TRIM37: variants seen among roughly 807,000 people sequenced by gnomAD.
TRIM37 encodes tripartite motif containing 37, also known as E3 ubiquitin-protein ligase TRIM37.
A neutral mutation model predicts 129.8 loss-of-function variants in TRIM37; 80 were observed. That is an observed-to-expected ratio of 0.62 (90% CI 0.51 to 0.74). TRIM37 has a LOEUF of 0.74. Ranked by LOEUF, TRIM37 falls within the 30% of genes least tolerant of loss-of-function variation. The pLI is 0.00. For synonymous variants in TRIM37, 389 were observed against 387.1 expected (o/e 1.00, Z -0.06); for missense variants, 1,054 against 1,176.5 (o/e 0.90, Z 1.52).
chr17:59,102,897 G>C (rs1014965080), intron 2 of TRIM37, among the ~76,000 whole-genome samples: 1 of 150,964 alleles, frequency 6.6e-6, no homozygotes, highest in Non-Finnish European at 1.5e-5. Flanking sequence ...TTTTTGAGAC[G>C]AAGTCTCGCT....
At chr17:59,014,541 C>T (rs1247516469) in intron 21 of TRIM37, among the ~76,000 whole-genome samples, 7 of 151,830 alleles carry the variant, frequency 4.6e-5, no homozygotes. Flanking sequence ...TGGGAAATTC[C>T]AACTATAAGT....
At chr17:59,096,953 A>T (rs1036243356) in intron 2 of TRIM37, among the ~76,000 whole-genome samples, 1 of 152,210 alleles carries the variant, frequency 6.6e-6, no homozygotes, top group Non-Finnish European at 1.5e-5. Context: ...ATTTATTCCT[A>T]GAATAGAAAG....
intron 19 of TRIM37, among the ~76,000 whole-genome samples, chr17:59,021,559 T>C (rs908318448): frequency 3.3e-5 from 5 of 152,150 alleles, no homozygotes; most frequent in African/African-American, 4.8e-5. Flanking sequence ...TTCTCACTTA[T>C]TTGTGGGGGC....
chr17:59,090,638 T>C (rs1186456745), intron 3 of TRIM37, among the ~76,000 whole-genome samples: 1 of 152,164 alleles, frequency 6.6e-6, no homozygotes, highest in Non-Finnish European at 1.5e-5. Context: ...TCTCGCTCTG[T>C]GGCCCAGGCT....
chr17:59,041,770 G>C (rs767434950), intron 17 of TRIM37, 43 bp downstream of exon 17: 4 of 1,419,510 alleles, frequency 2.8e-6, no homozygotes, highest in Non-Finnish European at 4.0e-6. Context: ...GAAGAGCAGA[G>C]AGAAAACAGA....
At chr17:59,029,503 C>T (rs1598996800) in intron 18 of TRIM37, among the ~76,000 whole-genome samples, 1 of 152,296 alleles carries the variant, frequency 6.6e-6, no homozygotes, top group East Asian at 1.9e-4. Flanking sequence ...TTACCTGATA[C>T]CTTTTACAGT....
intron 17 of TRIM37, among the ~76,000 whole-genome samples, chr17:59,037,775 A>G (rs1233024943): frequency 6.6e-6 from 1 of 151,986 alleles, no homozygotes; most frequent in Non-Finnish European, 1.5e-5. Flanking sequence ...CTTTATTGAG[A>G]TTTTAGTAGT....
chr17:59,067,603 T>C (rs545717554), intron 9 of TRIM37, among the ~76,000 whole-genome samples: 7 of 152,246 alleles, frequency 4.6e-5, no homozygotes, highest in Admixed American at 6.5e-5. Flanking sequence ...TAAAACTCTC[T>C]ATGAACTGAC....
intron 3 of TRIM37, among the ~76,000 whole-genome samples, chr17:59,089,585 G>A (rs1439575241): frequency 6.6e-6 from 1 of 152,134 alleles, no homozygotes; most frequent in African/African-American, 2.4e-5. Flanking sequence ...AGGTTGCAGT[G>A]AGCCAAGATT....
intron 11 of TRIM37, among the ~76,000 whole-genome samples, chr17:59,061,859 C>T (rs1285538340): frequency 6.6e-6 from 1 of 151,908 alleles, no homozygotes; most frequent in Non-Finnish European, 1.5e-5. Context: ...GTACTATTAA[C>T]CCCTTCATTT....
chr17:59,040,954 G>A (rs889423744), intron 17 of TRIM37, among the ~76,000 whole-genome samples: 1 of 152,052 alleles, frequency 6.6e-6, no homozygotes, highest in Non-Finnish European at 1.5e-5. Flanking sequence ...GCTGAGGCAG[G>A]AGAATGGCGT....
intron 4 of TRIM37, among the ~76,000 whole-genome samples, chr17:59,087,607 T>C (rs1465985272): frequency 2.0e-5 from 3 of 152,106 alleles, no homozygotes; most frequent in Admixed American, 6.6e-5. Flanking sequence ...CTTATTTCTA[T>C]GGTTCTATTT....
chr17:59,021,668 A>G (rs149026281), intron 19 of TRIM37, among the ~76,000 whole-genome samples: 6 of 152,258 alleles, frequency 3.9e-5, no homozygotes, highest in Non-Finnish European at 7.4e-5. Flanking sequence ...GGGTACAAAA[A>G]TATAGTTAGA....
chr17:59,098,244 T>C (rs1311967442), intron 2 of TRIM37, among the ~76,000 whole-genome samples: 7 of 152,206 alleles, frequency 4.6e-5, no homozygotes, highest in Non-Finnish European at 1.0e-4. Flanking sequence ...TGAGAATTTA[T>C]TGTTTATCAA....
At chr17:58,968,095 C>T in the TRIM37 span, among the ~76,000 whole-genome samples, 1 of 152,162 alleles carries the variant, frequency 6.6e-6, no homozygotes, top group African/African-American at 2.4e-5. Context: ...AGCCACCGCA[C>T]CCGGCCAGGA....
chr17:59,030,319 C>G (rs1322346117), intron 18 of TRIM37, among the ~76,000 whole-genome samples: 1 of 152,126 alleles, frequency 6.6e-6, no homozygotes, highest in Non-Finnish European at 1.5e-5. Context: ...GTTGGCTAGG[C>G]TGGTCTCGAA....
chr17:59,002,081 T>G (rs1260737716), intron 22 of TRIM37, among the ~76,000 whole-genome samples: 1 of 152,210 alleles, frequency 6.6e-6, no homozygotes, highest in Non-Finnish European at 1.5e-5. Context: ...TGATTCATTA[T>G]AGACATAATT....
intron 20 of TRIM37, among the ~76,000 whole-genome samples, chr17:59,016,165 G>A (rs1036428420): frequency 9.2e-5 from 14 of 151,686 alleles, no homozygotes; most frequent in African/African-American, 2.9e-4. Context: ...AGGCTAAGGC[G>A]GATGGATCAC....
intron 2 of TRIM37, among the ~76,000 whole-genome samples, chr17:59,100,537 T>C (rs560598123): frequency 6.6e-6 from 1 of 152,356 alleles, no homozygotes; most frequent in South Asian, 2.1e-4. Context: ...ACTTATCTTT[T>C]TTCTCTTTTT....
Sources: gnomAD v4.1 joint callset for allele counts (sites outside exome capture counted in the v4.1 genomes callset) on GRCh38, gnomAD v4.1.1 for gene constraint, MANE v1.5 for transcripts, NCBI Gene and HGNC (gene_info 2026-07-23, HGNC 2026-07-21) for gene names.